Variants in CTIF observed in about 807,000 individuals in gnomAD.
CTIF encodes the protein cap binding complex dependent translation initiation factor, also known as CBP80/20-dependent translation initiation factor.
A neutral mutation model predicts 66.0 loss-of-function variants in CTIF; 21 were observed. The observed-to-expected ratio is 0.32, with a 90% CI of 0.23 to 0.46. The LOEUF is 0.46. Among genes scored for constraint, CTIF ranks in the 20% least tolerant of loss-of-function variants. The pLI, the probability that CTIF is intolerant of heterozygous loss-of-function variation, is 1.00. For synonymous variants in CTIF, 345 were observed against 326.4 expected (o/e 1.06, Z -0.62); for missense variants, 739 against 812.7 (o/e 0.91, Z 1.10).
intron 7 of CTIF, among the ~76,000 whole-genome samples, chr18:48,740,421 C>T (rs1598958605): frequency 1.3e-5 from 2 of 152,232 alleles, no homozygotes; most frequent in Admixed American, 6.5e-5. Context: ...ACTGGCCATG[C>T]ACCTGGTGTC....
chr18:48,764,947 G>A (rs1909379813), intron 9 of CTIF, among the ~76,000 whole-genome samples: 1 of 152,204 alleles, frequency 6.6e-6, no homozygotes, highest in Admixed American at 6.5e-5. Context: ...ATGGCCCCCT[G>A]ACTCCAAGGC....
intron 5 of CTIF, 181 bp from the exon 6 acceptor site, chr18:48,670,488 C>A (rs960238606): frequency 5.6e-6 from 3 of 536,440 alleles, no homozygotes; most frequent in African/African-American, 2.1e-5. Flanking sequence ...CGGGAGGACC[C>A]CCCCCCCACA....
At chr18:48,622,912 C>T (rs556516131) in intron 2 of CTIF, among the ~76,000 whole-genome samples, 1 of 152,338 alleles carries the variant, frequency 6.6e-6, no homozygotes, top group Admixed American at 6.5e-5. Context: ...CCAAAGGTTC[C>T]TCCAGCTGAA....
At chr18:48,832,113 G>A (rs2068704117) in intron 10 of CTIF, among the ~76,000 whole-genome samples, 1 of 151,828 alleles carries the variant, frequency 6.6e-6, no homozygotes, top group Non-Finnish European at 1.5e-5. Context: ...CACAGCCAGT[G>A]TGCGTGTGGG....
intron 9 of CTIF, among the ~76,000 whole-genome samples, chr18:48,795,520 T>C (rs375974493): frequency 2.7e-4 from 41 of 152,300 alleles, no homozygotes; most frequent in South Asian, 2.1e-3. Context: ...AAGATGCCCA[T>C]TGGGGAAAAA....
At chr18:48,694,203 G>A (rs925235704) in intron 6 of CTIF, among the ~76,000 whole-genome samples, 2 of 152,202 alleles carry the variant, frequency 1.3e-5, no homozygotes, top group Non-Finnish European at 1.5e-5. Flanking sequence ...GCTGTGAGTC[G>A]GGGGCTTGGG....
At chr18:48,720,955 G>A (rs2092329569) in intron 7 of CTIF, among the ~76,000 whole-genome samples, 1 of 152,166 alleles carries the variant, frequency 6.6e-6, no homozygotes, top group African/African-American at 2.4e-5. Flanking sequence ...AAGGCTCTGG[G>A]GGTTCTCTCC....
At chr18:48,638,208 T>C (rs1463413976) in intron 3 of CTIF, among the ~76,000 whole-genome samples, 8 of 152,122 alleles carry the variant, frequency 5.3e-5, no homozygotes. Flanking sequence ...CCCCTCACTC[T>C]TCAGCAGCAA....
chr18:48,803,979 G>A lies in CTIF; in HGVS notation c.1372-13242G>A, dbSNP rs1006280624. ...GTTGCTGTTTGAGCCCTGGGGACAG[G>A]CTGTGTCCTAGGGCCCACCTTCCAT... On this transcript the variant is annotated intron_variant, in intron 9 of 11. Transcript: ENST00000256413. Among the ~76,000 whole-genome samples, 3 of 152,174 alleles carry A rather than the reference G, an allele frequency of 2.0e-5. No homozygotes were observed. The South Asian group carries it at 6.2e-4, about 32-fold the overall frequency.
intron 3 of CTIF, among the ~76,000 whole-genome samples, chr18:48,654,829 A>G (rs975756137): frequency 2.0e-5 from 3 of 152,190 alleles, no homozygotes; most frequent in African/African-American, 4.8e-5. Context: ...TTGCAGGGAC[A>G]TGGATTCAGC....
At chr18:48,816,659 G>GATGAATGA (rs79059407) in intron 9 of CTIF, among the ~76,000 whole-genome samples, 2 of 152,126 alleles carry the variant, frequency 1.3e-5, no homozygotes, top group Non-Finnish European at 2.9e-5. Context: ...TTTTAAGGAG[G>GATGAATGA]ATGAATGAAT....
chr18:48,786,161 G>T (rs1161643603), intron 9 of CTIF, among the ~76,000 whole-genome samples: 1 of 152,174 alleles, frequency 6.6e-6, no homozygotes, highest in African/African-American at 2.4e-5. Context: ...AGAGAGCACT[G>T]CAGGGAGACA....
intron 2 of CTIF, among the ~76,000 whole-genome samples, chr18:48,620,414 ATAGGGACCC>A (rs2090472870): frequency 6.6e-6 from 1 of 152,214 alleles, no homozygotes; most frequent in Non-Finnish European, 1.5e-5. Flanking sequence ...TGCATTAAGG[ATAGGGACCC>A]TATCAAGCAT....
chr18:48,637,739 T>C (rs1386473232), intron 3 of CTIF, among the ~76,000 whole-genome samples: 4 of 152,144 alleles, frequency 2.6e-5, no homozygotes, highest in Non-Finnish European at 5.9e-5. Context: ...GGATGGTTCT[T>C]TCACGTGACA....
intron 7 of CTIF, among the ~76,000 whole-genome samples, chr18:48,716,695 T>C (rs2092285524): frequency 6.6e-6 from 1 of 152,160 alleles, no homozygotes; most frequent in Non-Finnish European, 1.5e-5. Context: ...CCCGCCCGAC[T>C]GTCAGCAATG....
At chr18:48,602,496 T>C (rs1001900383) in intron 1 of CTIF, among the ~76,000 whole-genome samples, 21 of 152,246 alleles carry the variant, frequency 1.4e-4, no homozygotes, top group African/African-American at 4.8e-4. Context: ...CAGCATATTT[T>C]CTCTGTGGTT....
chr18:48,841,586 G>C (rs970328840), intron 10 of CTIF, among the ~76,000 whole-genome samples: 1 of 152,234 alleles, frequency 6.6e-6, no homozygotes, highest in Non-Finnish European at 1.5e-5. Context: ...AAATCAAGGA[G>C]ACGCTCTGTC....
At chr18:48,789,216 A>G (rs781331162) in intron 9 of CTIF, among the ~76,000 whole-genome samples, 4 of 152,092 alleles carry the variant, frequency 2.6e-5, no homozygotes, top group African/African-American at 9.7e-5. Context: ...ACTGATTTTC[A>G]TTTTCCTATA....
At position 48,846,559 on chromosome 18, in the gene CTIF, A is replaced by G. The variant is rs79841763; in HGVS notation, c.1528-11029A>G. Among the ~76,000 whole-genome samples the G allele has an allele frequency of 3.5e-5, 5 of 142,906 alleles. No individual in the cohort carries two copies. The East Asian group carries it at 9.7e-4, about 28-fold the overall frequency. The allele number at this position is 142,906 out of a possible 152,430, so 93.8% of individuals were successfully genotyped here. On this transcript the variant is annotated intron_variant, in intron 10 of 11. Coordinates refer to ENST00000256413, the MANE Select transcript of CTIF (RefSeq NM_014772.3). ...GATGGATAGGTGAATAGACAGATGA[A>G]TGAAAGGATGGATGGGTAGGTGGGT...
Sources: allele counts gnomAD v4.1 joint callset (sites outside exome capture counted in the v4.1 genomes callset), GRCh38; gene constraint gnomAD v4.1.1; transcripts MANE v1.5; gene names NCBI Gene and HGNC (gene_info 2026-07-23, HGNC 2026-07-21).